Variants in GNG4 observed in about 807,000 individuals in gnomAD.
GNG4 encodes G protein subunit gamma 4.
Under a neutral mutation model 5.8 loss-of-function variants are expected in GNG4, and 4 were observed. The observed-to-expected ratio is 0.69, with a 90% CI of 0.34 to 1.57. The LOEUF (loss-of-function observed/expected upper bound fraction) is 1.57. Among genes scored for constraint, GNG4 ranks in the 40% most tolerant of loss-of-function variants. GNG4 has a pLI of 0.06. For synonymous variants in GNG4, 29 were observed against 32.9 expected (o/e 0.88, Z 0.41); for missense variants, 96 against 95.1 (o/e 1.01, Z -0.04).
At chr1:235,622,036 T>C (rs1431093650) in intron 1 of GNG4, among the ~76,000 whole-genome samples, 1 of 152,114 alleles carries the variant, frequency 6.6e-6, no homozygotes, top group Non-Finnish European at 1.5e-5. Context: ...GAAAATAAAA[T>C]TAACTTATGT....
chr1:235,598,697 C>G (rs1428413046), intron 1 of GNG4, among the ~76,000 whole-genome samples: 1 of 151,332 alleles, frequency 6.6e-6, no homozygotes, highest in African/African-American at 2.4e-5. Flanking sequence ...TGGGGGAGGA[C>G]TGAGGCATCA....
chr1:235,630,117 G>T (rs1571922429), intron 1 of GNG4, among the ~76,000 whole-genome samples: 1 of 152,160 alleles, frequency 6.6e-6, no homozygotes, highest in Admixed American at 6.6e-5. Context: ...ACTACAATAG[G>T]ATTAGAGTTG....
At chr1:235,610,965 G>C (rs1175387428) in intron 1 of GNG4, among the ~76,000 whole-genome samples, 1 of 152,184 alleles carries the variant, frequency 6.6e-6, no homozygotes, top group African/African-American at 2.4e-5. Flanking sequence ...GCCCATGCCT[G>C]TAGTCCCAGC....
intron 1 of GNG4, among the ~76,000 whole-genome samples, chr1:235,640,744 G>A (rs1021620083): frequency 6.6e-6 from 1 of 152,234 alleles, no homozygotes; most frequent in African/African-American, 2.4e-5. Flanking sequence ...GCCTCTCGGG[G>A]CCACCACCCC....
At chr1:235,596,251 C>CACACAA (rs1558490888) in intron 1 of GNG4, among the ~76,000 whole-genome samples, 2 of 146,664 alleles carry the variant, frequency 1.4e-5, no homozygotes, top group African/African-American at 5.1e-5. Flanking sequence ...CACACACACA[C>CACACAA]ACCTGGCCGG....
intron 1 of GNG4, among the ~76,000 whole-genome samples, chr1:235,599,324 T>G (rs907850602): frequency 2.7e-5 from 4 of 149,116 alleles, no homozygotes; most frequent in African/African-American, 7.6e-5. Context: ...TGGTTTGTTT[T>G]TTTTTTTTTT....
At chr1:235,554,069 C>A (rs1293743290) in intron 3 of GNG4, among the ~76,000 whole-genome samples, 1 of 152,128 alleles carries the variant, frequency 6.6e-6, no homozygotes, top group Non-Finnish European at 1.5e-5. Context: ...CTGTGGGGGG[C>A]CTGTGAAGCC....
rs1553365429 is a variant in GNG4, at chr1:235,570,945, C to CATAT, written c.99+12791_99+12794dup. On this transcript the variant is annotated intron_variant, in intron 3 of 3. Coordinates refer to ENST00000391854, the MANE Select transcript of GNG4 (RefSeq NM_001098722.2). ...ATATACACACACACACACACACACA[C>CATAT]ATATATATATACATACCTTTTTTTT... 2.1e-4 allele frequency among the ~76,000 whole-genome samples: 24 copies of CATAT among 115,642 alleles called. No homozygotes were observed. In the South Asian group the frequency reaches 4.6e-3, roughly 22 times the overall value. 75.9% of individuals were successfully genotyped at this position (115,642 alleles called of 152,430 possible). A position where few individuals can be genotyped will look rare whatever the true frequency, so the allele number is the denominator to read the frequency against.
At chr1:235,568,799 TTTTTTC>T (rs1237950016) in intron 3 of GNG4, among the ~76,000 whole-genome samples, 1 of 151,584 alleles carries the variant, frequency 6.6e-6, no homozygotes, top group Non-Finnish European at 1.5e-5. Flanking sequence ...TTTCCTTTTT[TTTTTTC>T]TTTTTTTCTT....
At chr1:235,562,601 C>T (rs1324205715) in intron 3 of GNG4, among the ~76,000 whole-genome samples, 2 of 140,740 alleles carry the variant, frequency 1.4e-5, no homozygotes, top group Non-Finnish European at 3.0e-5. Context: ...GCCAAGATGG[C>T]ACCACTGCAC....
At chr1:235,562,264 C>G (rs1687083904) in intron 3 of GNG4, among the ~76,000 whole-genome samples, 1 of 152,140 alleles carries the variant, frequency 6.6e-6, no homozygotes, top group South Asian at 2.1e-4. Context: ...TTGTTCTTCT[C>G]CTTCAGTATT....
upstream of GNG4, chr1:235,649,827 C>T (rs924964588): frequency 1.0e-4 from 15 of 149,844 alleles, no homozygotes; most frequent in Admixed American, 9.3e-4. The surrounding 1 kb of genome is among the most constrained non-coding windows in gnomAD (Gnocchi z 5.7). Context: ...GTCACCGGCC[C>T]CGCCCCGCGC....
chr1:235,634,611 G>A (rs1688995869), intron 1 of GNG4, among the ~76,000 whole-genome samples: 1 of 152,192 alleles, frequency 6.6e-6, no homozygotes, highest in Admixed American at 6.6e-5. Flanking sequence ...CCACCAGCCT[G>A]GCTCCTTGTT....
chr1:235,572,293 G>C (rs189749216), intron 3 of GNG4, among the ~76,000 whole-genome samples: 1 of 151,974 alleles, frequency 6.6e-6, no homozygotes, highest in Non-Finnish European at 1.5e-5. Flanking sequence ...TCTGCCTCCC[G>C]GGTTCAAGCG....
At chr1:235,628,418 G>GT (rs1688863947) in intron 1 of GNG4, among the ~76,000 whole-genome samples, 1 of 143,300 alleles carries the variant, frequency 7.0e-6, no homozygotes, top group African/African-American at 3.0e-5. Flanking sequence ...TTAGGAGACG[G>GT]GGGGGGGTTA....
At chr1:235,553,053 C>T (rs1686795130) in intron 3 of GNG4, among the ~76,000 whole-genome samples, 1 of 93,680 alleles carries the variant, frequency 1.1e-5, no homozygotes, top group Non-Finnish European at 2.0e-5. Flanking sequence ...GCCACCGTGC[C>T]CAGCCAGCAC....
chr1:235,599,788 C>T (rs937390260), intron 1 of GNG4, among the ~76,000 whole-genome samples: 1 of 152,140 alleles, frequency 6.6e-6, no homozygotes, highest in Non-Finnish European at 1.5e-5. Flanking sequence ...TTCTCCTGAC[C>T]CTTAATGTTA....
chr1:235,574,756 C>T (rs1687433169), intron 3 of GNG4, among the ~76,000 whole-genome samples: 1 of 152,028 alleles, frequency 6.6e-6, no homozygotes, highest in Non-Finnish European at 1.5e-5. Flanking sequence ...TCTGTTTTCT[C>T]TACATTTTTC....
intron 1 of GNG4, among the ~76,000 whole-genome samples, chr1:235,614,354 T>C (rs1250392174): frequency 6.6e-6 from 1 of 152,206 alleles, no homozygotes; most frequent in Non-Finnish European, 1.5e-5. Context: ...CAGCTTTTGG[T>C]TTCATTGACT....
Sources: allele counts gnomAD v4.1 joint callset (sites outside exome capture counted in the v4.1 genomes callset), GRCh38; gene constraint gnomAD v4.1.1; non-coding constraint Gnocchi (gnomAD v3.1); transcripts MANE v1.5; gene names NCBI Gene and HGNC (gene_info 2026-07-23, HGNC 2026-07-21).